Variants in EXD3 observed in about 807,000 individuals in gnomAD.
The protein encoded by EXD3 is exonuclease mut-7 homolog.
A neutral mutation model predicts 98.0 loss-of-function variants in EXD3; 92 were observed. The ratio of observed to expected loss-of-function variants is 0.94; its 90% CI spans 0.79 to 1.12. EXD3 has a LOEUF of 1.12. Ranked by LOEUF, EXD3 falls within the 50% of genes most tolerant of loss-of-function variation. EXD3 has a pLI of 0.00. For missense variants in EXD3, 1,222 were observed against 1,191.6 expected (o/e 1.03, Z -0.38); for synonymous variants, 569 against 526.0 (o/e 1.08, Z -1.12).
intron 19 of EXD3, among the ~76,000 whole-genome samples, chr9:137,315,900 G>A (rs1285484561): frequency 6.6e-6 from 1 of 151,552 alleles, no homozygotes; most frequent in Non-Finnish European, 1.5e-5. Flanking sequence ...TGGGCCTCGG[G>A]CTCCCTCCGG....
intron 8 of EXD3, among the ~76,000 whole-genome samples, chr9:137,355,738 A>G (rs1834742186): frequency 9.5e-6 from 1 of 105,596 alleles, no homozygotes; most frequent in Non-Finnish European, 2.0e-5. Context: ...AGGAGGACCT[A>G]GAAACACTGC....
At position 137,371,405 on chromosome 9, in the gene EXD3, A is replaced by G. The variant is rs932550627; in HGVS notation, c.462+1500T>C. Among the ~76,000 whole-genome samples the G allele has an allele frequency of 6.6e-6, 1 of 151,596 alleles. No individual in the cohort carries two copies. Among genetic ancestry groups the G allele is most frequent in the African/African-American group, 2.4e-5 (1 of 41,248 alleles). On this transcript the variant is annotated intron_variant, in intron 5 of 21. Transcript: ENST00000340951. The surrounding 1 kb of genome is among the most constrained non-coding windows in gnomAD (Gnocchi z 8.0). ...GGCCCGCGCGGCCCACACAGGGGAC[A>G]CTCCTGTGAGGGCCCGGCCAGGGCA... is the stretch of plus-strand genomic sequence containing the variant.
At chr9:137,368,268 G>C (rs930794151) in intron 5 of EXD3, among the ~76,000 whole-genome samples, 16 of 152,370 alleles carry the variant, frequency 1.1e-4, no homozygotes, top group African/African-American at 3.6e-4. Flanking sequence ...TGGCCACACA[G>C]CCTGGGTCCC....
intron 8 of EXD3, among the ~76,000 whole-genome samples, chr9:137,355,478 A>AGGAGGAC (rs1834611943): frequency 3.3e-4 from 2 of 6,106 alleles, no homozygotes; most frequent in African/African-American, 4.7e-4. Flanking sequence ...GGAAGGAGGA[A>AGGAGGAC]GGAGGAAGGA....
chr9:137,330,704 T>A (rs976045922), intron 17 of EXD3, among the ~76,000 whole-genome samples: 3 of 150,106 alleles, frequency 2.0e-5, no homozygotes, highest in Non-Finnish European at 3.0e-5. Context: ...TAGTGGAGGG[T>A]TTTCAAAGTT....
At chr9:137,346,388 A>G (rs1484003791) in intron 17 of EXD3, among the ~76,000 whole-genome samples, 3 of 152,032 alleles carry the variant, frequency 2.0e-5, no homozygotes. Context: ...CGCCCTCTCC[A>G]TGAAGAATAA....
At chr9:137,365,733 C>T (rs1564515733) in intron 7 of EXD3, 3 of 319,838 alleles carry the variant, frequency 9.4e-6, no homozygotes, top group Non-Finnish European at 1.2e-5. Context: ...CAAACACACA[C>T]CTACAGGCAC....
At position 137,324,913 on chromosome 9, in the gene EXD3, C is replaced by T. The variant is rs1034441628; in HGVS notation, c.1999-770G>A. 2.6e-5 allele frequency among the ~76,000 whole-genome samples: 4 copies of T among 152,106 alleles called. No homozygotes were observed. Among genetic ancestry groups the T allele is most frequent in the Middle Eastern group, 3.4e-3 (1 of 294 alleles). ...TTCACCGTGTTAGCCAGGATGGTCT[C>T]GATCTCCTGACCTCGTGATCTGCCC... On this transcript the variant is annotated intron_variant, in intron 17 of 21. Transcript: ENST00000340951. This position sits in a 1 kb window ranked among gnomAD's most constrained non-coding sequence, Gnocchi z 4.1.
At chr9:137,318,849 ACCCCTGGCCAGG>A (rs1352479493) in intron 19 of EXD3, among the ~76,000 whole-genome samples, 9 of 151,994 alleles carry the variant, frequency 5.9e-5, no homozygotes, top group Admixed American at 2.0e-4. Flanking sequence ...GTGGCCACAG[ACCCCTGGCCAGG>A]CCCCTGGCCC....
Position 137,371,543 on chromosome 9 carries a change from T to C in EXD3, c.462+1362A>G, listed in dbSNP as rs1835605162. ...GGCGTCTCAGCAGCAGGGTCCCACG[T>C]GGGCAGGCAGCGGGGTGGTGGCCTT... On this transcript the variant is annotated intron_variant, in intron 5 of 21. Coordinates refer to ENST00000340951, the MANE Select transcript of EXD3 (RefSeq NM_017820.5). The surrounding 1 kb of genome is among the most constrained non-coding windows in gnomAD (Gnocchi z 8.0). Among the ~76,000 whole-genome samples, 1 of 152,042 alleles carries C rather than the reference T, an allele frequency of 6.6e-6. No homozygotes were observed. Among genetic ancestry groups the C allele is most frequent in the African/African-American group, 2.4e-5 (1 of 41,402 alleles).
intron 7 of EXD3, among the ~76,000 whole-genome samples, chr9:137,359,061 C>G (rs1187925573): frequency 3.9e-5 from 1 of 25,492 alleles, no homozygotes; most frequent in African/African-American, 7.8e-5. Flanking sequence ...ATTCTCCTGC[C>G]TCAGCCTCCA....
At chr9:137,373,736 C>T in intron 3 of EXD3, 137 bp from the exon 4 acceptor site, 1 of 971,706 alleles carries the variant, frequency 1.0e-6, no homozygotes. Flanking sequence ...CCATCTGCGC[C>T]TCCGTGACTT....
chr9:137,386,360 C>T (rs1381999736), intron 2 of EXD3, among the ~76,000 whole-genome samples: 1 of 152,126 alleles, frequency 6.6e-6, no homozygotes, highest in Non-Finnish European at 1.5e-5. Flanking sequence ...TCGAGATCCA[C>T]CTTTCCAGGT....
At chr9:137,402,685 C>T (rs953916435) in intron 1 of EXD3, among the ~76,000 whole-genome samples, 2 of 152,148 alleles carry the variant, frequency 1.3e-5, no homozygotes, top group Non-Finnish European at 2.9e-5. Context: ...AAGTCGCTTC[C>T]ACATTTTTGG....
intron 17 of EXD3, among the ~76,000 whole-genome samples, chr9:137,328,525 C>T (rs182098401): frequency 6.7e-6 from 1 of 150,058 alleles, no homozygotes; most frequent in East Asian, 2.1e-4. Flanking sequence ...AGTAAATATA[C>T]GGGAAAAAAC....
intron 3 of EXD3, among the ~76,000 whole-genome samples, chr9:137,379,726 T>C (rs2131707369): frequency 6.6e-6 from 1 of 152,016 alleles, no homozygotes; most frequent in East Asian, 1.9e-4. Context: ...AAGCCGACGC[T>C]CCGTGGCTCT....
In EXD3 at chr9:137,403,128, T is replaced by C. The variant is rs1837545708; in HGVS notation, c.-47-7724A>G. 6.6e-6 allele frequency among the ~76,000 whole-genome samples: 1 copy of C among 152,006 alleles called. No homozygotes were observed. The highest frequency in any genetic ancestry group is 2.4e-5 in the African/African-American group (1 of 41,400). ...CTGTGGCTCGGCTTGGCTCATTTCCTGCAGGATCCCCGGCGCTGACCCCTC... is the reference window on the plus strand; with the variant it reads ...CTGTGGCTCGGCTTGGCTCATTTCCCGCAGGATCCCCGGCGCTGACCCCTC... On this transcript the variant is annotated intron_variant, in intron 1 of 21. Coordinates refer to ENST00000340951, the MANE Select transcript of EXD3 (RefSeq NM_017820.5). This position sits in a 1 kb window ranked among gnomAD's most constrained non-coding sequence, Gnocchi z 6.1.
chr9:137,354,462 G>T (rs1318346446), intron 9 of EXD3, 85 bp from the exon 10 acceptor site: 13 of 1,590,586 alleles, frequency 8.2e-6, no homozygotes, highest in Non-Finnish European at 1.0e-5. Flanking sequence ...TCGACCCCTG[G>T]CAGGGTACAT....
chr9:137,408,625 C>T (rs1837853543), intron 1 of EXD3, among the ~76,000 whole-genome samples: 1 of 151,594 alleles, frequency 6.6e-6, no homozygotes, highest in Admixed American at 6.6e-5. Flanking sequence ...AGCTGCTCAG[C>T]AAGGCCCTCC....
Sources: gnomAD v4.1 joint callset for allele counts (sites outside exome capture counted in the v4.1 genomes callset) on GRCh38, gnomAD v4.1.1 for gene constraint, Gnocchi (gnomAD v3.1) non-coding constraint, MANE v1.5 for transcripts, NCBI Gene and HGNC (gene_info 2026-07-23, HGNC 2026-07-21) for gene names.